Variants in SSH2 observed in about 807,000 individuals in gnomAD.
The protein encoded by SSH2 is slingshot protein phosphatase 2.
A neutral mutation model predicts 135.2 loss-of-function variants in SSH2; 37 were observed. The ratio of observed to expected loss-of-function variants is 0.27; its 90% CI spans 0.21 to 0.36. The LOEUF is 0.36. Among genes scored for constraint, SSH2 ranks in the 10% least tolerant of loss-of-function variants. SSH2 has a pLI of 1.00. For missense variants in SSH2, 1,408 were observed against 1,765.3 expected, an observed-to-expected ratio of 0.80 and a Z score of 3.63; for synonymous variants, 628 against 646.2, an observed-to-expected ratio of 0.97 and a Z score of 0.43.
intron 9 of SSH2, among the ~76,000 whole-genome samples, chr17:29,668,299 G>A (rs1270559939): frequency 6.6e-6 from 1 of 152,208 alleles, no homozygotes; most frequent in East Asian, 1.9e-4. Flanking sequence ...ACAGAATACA[G>A]CTAATACCTG....
intron 1 of SSH2, among the ~76,000 whole-genome samples, chr17:29,913,452 G>C (rs1389587458): frequency 7.5e-6 from 1 of 133,006 alleles, no homozygotes; most frequent in Admixed American, 8.3e-5. Context: ...CTGCCCAAGA[G>C]GTAAGCTGTT....
intron 3 of SSH2, among the ~76,000 whole-genome samples, chr17:29,712,827 A>C (rs963380231): frequency 6.6e-6 from 1 of 152,126 alleles, no homozygotes; most frequent in Admixed American, 6.5e-5. Context: ...CAAAACATTT[A>C]TGAGCTTGTA....
intron 1 of SSH2, among the ~76,000 whole-genome samples, chr17:29,899,523 T>C (rs1225224677): frequency 6.6e-6 from 1 of 152,054 alleles, no homozygotes; most frequent in Non-Finnish European, 1.5e-5. Flanking sequence ...TGAACTCCCA[T>C]TCACAATTGC....
chr17:29,778,717 C>A (rs1376148716), intron 3 of SSH2, among the ~76,000 whole-genome samples: 1 of 148,362 alleles, frequency 6.7e-6, no homozygotes, highest in Non-Finnish European at 1.5e-5. Flanking sequence ...ACCTGTAATC[C>A]CAGCTACTCG....
chr17:29,666,691 A>G (rs1432194035), intron 11 of SSH2, among the ~76,000 whole-genome samples, 176 bp downstream of exon 11: 1 of 152,236 alleles, frequency 6.6e-6, no homozygotes, highest in East Asian at 1.9e-4. Context: ...ACACACGCAC[A>G]CACACACTAA....
At chr17:29,727,372 G>A (rs1039850927) in intron 3 of SSH2, among the ~76,000 whole-genome samples, 32 of 152,150 alleles carry the variant, frequency 2.1e-4, no homozygotes, top group Non-Finnish European at 7.3e-5. Context: ...TGGCAAGCAG[G>A]TAATATTAAA....
intron 3 of SSH2, among the ~76,000 whole-genome samples, chr17:29,730,438 C>CTT (rs113317053): frequency 2.9e-5 from 4 of 138,502 alleles, no homozygotes; most frequent in Admixed American, 7.3e-5. Flanking sequence ...TTGACTTTTT[C>CTT]TTTTTTTTTT....
intron 2 of SSH2, among the ~76,000 whole-genome samples, chr17:29,832,547 A>C (rs2042866133): frequency 6.6e-6 from 1 of 152,262 alleles, no homozygotes; most frequent in South Asian, 2.1e-4. Context: ...CTGGTCATTC[A>C]GGAGCATACT....
chr17:29,929,812 G>T, intron 1 of SSH2, 126 bp downstream of exon 1: 8 of 846,300 alleles, frequency 9.5e-6, no homozygotes, highest in South Asian at 1.6e-5. Context: ...GGGGGTTCGC[G>T]GCAGCCGAGT....
intron 1 of SSH2, among the ~76,000 whole-genome samples, chr17:29,896,840 A>G (rs957603969): frequency 6.6e-6 from 1 of 151,864 alleles, no homozygotes; most frequent in African/African-American, 2.4e-5. Context: ...AGTAATGAGT[A>G]AGTCTGTAAT....
At chr17:29,690,935 G>GAC (rs143656307) in intron 5 of SSH2, among the ~76,000 whole-genome samples, 56 of 148,582 alleles carry the variant, frequency 3.8e-4, no homozygotes, top group African/African-American at 1.2e-3. Flanking sequence ...CACACACACA[G>GAC]ACACACACAC....
At chr17:29,854,450 T>C (rs73263683) in intron 1 of SSH2, among the ~76,000 whole-genome samples, 1 of 151,732 alleles carries the variant, frequency 6.6e-6, no homozygotes, top group South Asian at 2.1e-4. Context: ...GGGGTTAAGA[T>C]TGTTGGTAAG....
In SSH2 at chr17:29,818,997, C is replaced by T. The variant is rs184731436; in HGVS notation, c.145-25060G>A. Among the ~76,000 whole-genome samples, 617 of 152,098 alleles carry T rather than the reference C, an allele frequency of 4.1e-3. 5 individuals carry two copies. The highest frequency in any genetic ancestry group is 0.013 in the African/African-American group (538 of 41,496). ...ATCCCAGCATTTTGGGAAGCCGAGG[C>T]GGGCGGATCACCTGAGGTCGGGAGT... On this transcript the variant is annotated intron_variant, in intron 2 of 15. Transcript: ENST00000540801.
At chr17:29,819,589 C>A (rs1333338952) in intron 2 of SSH2, among the ~76,000 whole-genome samples, 1 of 152,184 alleles carries the variant, frequency 6.6e-6, no homozygotes, top group South Asian at 2.1e-4. Context: ...AAGACACTAA[C>A]AATAAGAAAA....
intron 1 of SSH2, chr17:29,856,394 A>G (rs1041431183): frequency 5.2e-6 from 1 of 193,050 alleles, no homozygotes; most frequent in Admixed American, 6.3e-5. Context: ...CCTGTTTGTG[A>G]TATTTTAATG....
At chr17:29,755,912 CG>C (rs1007176915) in intron 3 of SSH2, among the ~76,000 whole-genome samples, 7 of 149,670 alleles carry the variant, frequency 4.7e-5, no homozygotes, top group Non-Finnish European at 1.0e-4. Context: ...CCACCCGCCT[CG>C]GCCTCCCAAA....
rs774516772 is a variant in SSH2, at chr17:29,666,930, A to G, written c.969T>C (p.Asn323=). The change falls in exon 11 of 16, where the codon AAT becomes AAC. Residue 323 remains asparagine, a synonymous_variant. Coordinates refer to ENST00000540801, the MANE Select transcript of SSH2 (RefSeq NM_001282129.2). ...TTTGACCAAGGATCACTATCATTTC[A>G]TTGTCTATAAATTCCTTGAATTCCC... is the stretch of plus-strand genomic sequence containing the variant. ...NLREFKEFID[N]EMIVILGQMD... 60 of 1,613,958 alleles carry G rather than the reference A, an allele frequency of 3.7e-5. No individual in the cohort carries two copies. The Middle Eastern group carries it at 4.9e-4, about 13-fold the overall frequency.
chr17:29,631,274 G>A lies in SSH2; in HGVS notation c.3920C>T (p.Ser1307Phe), dbSNP rs1450691534. The A allele has an allele frequency of 1.9e-6, 3 of 1,614,104 alleles. No individual in the cohort carries two copies. The highest frequency in any genetic ancestry group is 2.2e-5 in the East Asian group (1 of 44,886). ...KDCLPEREPASCESPHLKLLQ... is the reference protein window; with the variant it reads ...KDCLPEREPAFCESPHLKLLQ... Reference sequence around the variant, plus strand: ...CAGTTTGAGATGAGGGGATTCACAGGAGGCAGGCTCCCTCTCTGGTAAGCA... The same window carrying A: ...CAGTTTGAGATGAGGGGATTCACAGAAGGCAGGCTCCCTCTCTGGTAAGCA... Residue 1307 changes from serine to phenylalanine, a missense_variant, in exon 16 of 16, where the codon TCC becomes TTC. Physicochemically the swap from Ser to Phe is radical, Grantham distance 155. Around this residue, in one of 3 missense-constraint regions of SSH2, gnomAD observed 1,080 missense variants for 1,144.5 expected, o/e 0.94. Transcript: ENST00000540801.
chr17:29,827,217 C>A (rs779896660), intron 2 of SSH2, among the ~76,000 whole-genome samples: 4 of 152,144 alleles, frequency 2.6e-5, no homozygotes, highest in African/African-American at 4.8e-5. Flanking sequence ...CAAGGAAATT[C>A]CCTCTTGCAG....
Sources: gnomAD v4.1 joint callset for allele counts (sites outside exome capture counted in the v4.1 genomes callset) on GRCh38, gnomAD v4.1.1 for gene constraint, gnomAD v4.1.1 regional missense constraint, MANE v1.5 for transcripts, NCBI Gene and HGNC (gene_info 2026-07-23, HGNC 2026-07-21) for gene names.